Variants in L3MBTL4 observed in about 807,000 individuals in gnomAD.
L3MBTL4 encodes the protein L3MBTL histone methyl-lysine binding protein 4.
A neutral mutation model predicts 84.5 loss-of-function variants in L3MBTL4; 70 were observed. The ratio of observed to expected loss-of-function variants is 0.83; its 90% CI spans 0.68 to 1.01. The LOEUF is 1.01. Ranked by LOEUF, L3MBTL4 falls within the 50% of genes least tolerant of loss-of-function variation. L3MBTL4 has a pLI of 0.00. For missense variants in L3MBTL4, 715 were observed against 754.8 expected (o/e 0.95, Z 0.62); for synonymous variants, 274 against 259.8 (o/e 1.05, Z -0.52).
At chr18:6,334,671 G>A (rs1022234871) in intron 1 of L3MBTL4, among the ~76,000 whole-genome samples, 2 of 152,078 alleles carry the variant, frequency 1.3e-5, no homozygotes, top group Admixed American at 1.3e-4. Flanking sequence ...TAATATAGTG[G>A]AGGAAACACA....
At chr18:6,351,854 A>G (rs1242862801) in intron 1 of L3MBTL4, among the ~76,000 whole-genome samples, 1 of 151,592 alleles carries the variant, frequency 6.6e-6, no homozygotes, top group African/African-American at 2.4e-5. Flanking sequence ...CCCAGCCTAA[A>G]TGTTGATTTT....
intron 17 of L3MBTL4, among the ~76,000 whole-genome samples, chr18:5,961,582 AAAAC>A (rs1047441469): frequency 6.6e-6 from 1 of 152,200 alleles, no homozygotes; most frequent in African/African-American, 2.4e-5. Context: ...GATAAGGATT[AAAAC>A]AAACAAACAA....
intron 16 of L3MBTL4, among the ~76,000 whole-genome samples, chr18:6,003,986 T>C (rs2145301660): frequency 6.6e-6 from 1 of 151,298 alleles, no homozygotes; most frequent in South Asian, 2.1e-4. Flanking sequence ...GAAAAACAAA[T>C]TAAACCCAAA....
intron 1 of L3MBTL4, among the ~76,000 whole-genome samples, chr18:6,318,698 G>A (rs757478414): frequency 9.9e-5 from 15 of 151,644 alleles, no homozygotes; most frequent in South Asian, 4.2e-4. Context: ...CTTCAACACC[G>A]CACTGACAGC....
At chr18:6,160,649 T>C (rs1352381587) in intron 13 of L3MBTL4, among the ~76,000 whole-genome samples, 2 of 149,806 alleles carry the variant, frequency 1.3e-5, no homozygotes, top group Non-Finnish European at 2.9e-5. Flanking sequence ...GAGAATCACT[T>C]GAACTTGGGA....
At chr18:6,144,162 C>G (rs925694418) in intron 13 of L3MBTL4, among the ~76,000 whole-genome samples, 22 of 140,436 alleles carry the variant, frequency 1.6e-4, no homozygotes, top group Admixed American at 2.9e-4. Context: ...CACCACTGCA[C>G]TCCAGCCTGG....
chr18:6,207,756 A>T (rs1439350561), intron 12 of L3MBTL4, among the ~76,000 whole-genome samples: 1 of 152,142 alleles, frequency 6.6e-6, no homozygotes, highest in Non-Finnish European at 1.5e-5. Context: ...CTCAAAGGAC[A>T]TATATTTTTA....
intron 5 of L3MBTL4, among the ~76,000 whole-genome samples, chr18:6,255,015 C>T (rs1258553021): frequency 1.3e-5 from 2 of 152,188 alleles, no homozygotes; most frequent in Admixed American, 6.5e-5. Context: ...AATAACTTCT[C>T]AAATTGTTTG....
At chr18:6,388,566 A>C (rs2054917400) in intron 1 of L3MBTL4, among the ~76,000 whole-genome samples, 1 of 152,198 alleles carries the variant, frequency 6.6e-6, no homozygotes, top group African/African-American at 2.4e-5. Flanking sequence ...GTACGGATAA[A>C]GAGGAAGGAA....
chr18:6,279,625 C>A (rs967007046), intron 4 of L3MBTL4, among the ~76,000 whole-genome samples: 3 of 152,102 alleles, frequency 2.0e-5, no homozygotes, highest in African/African-American at 7.2e-5. Context: ...TGATTTCTCC[C>A]TTGCCATGTA....
At chr18:6,399,307 G>A (rs563400114) in intron 1 of L3MBTL4, among the ~76,000 whole-genome samples, 2 of 152,152 alleles carry the variant, frequency 1.3e-5, no homozygotes, top group African/African-American at 4.8e-5. Flanking sequence ...GTGTGGTGGT[G>A]CATGCCTATA....
intron 15 of L3MBTL4, among the ~76,000 whole-genome samples, chr18:6,091,180 A>T (rs2058444809): frequency 6.6e-6 from 1 of 152,198 alleles, no homozygotes; most frequent in Non-Finnish European, 1.5e-5. Context: ...AATATGTTTT[A>T]TCTGTACATA....
intron 16 of L3MBTL4, among the ~76,000 whole-genome samples, chr18:6,071,961 A>G (rs1261627213): frequency 2.0e-5 from 3 of 152,168 alleles, no homozygotes; most frequent in Non-Finnish European, 2.9e-5. Flanking sequence ...ATATAAGGAC[A>G]ATGATGGAGC....
intron 4 of L3MBTL4, among the ~76,000 whole-genome samples, chr18:6,299,237 A>C (rs1271158061): frequency 6.6e-6 from 1 of 152,204 alleles, no homozygotes; most frequent in East Asian, 1.9e-4. Flanking sequence ...TCTCAGCATG[A>C]CTATGTCAGG....
chr18:6,070,633 A>C (rs1240823866), intron 16 of L3MBTL4, among the ~76,000 whole-genome samples: 1 of 152,066 alleles, frequency 6.6e-6, no homozygotes, highest in African/African-American at 2.4e-5. Flanking sequence ...CCTGAGCAAC[A>C]TAGTGAGATC....
intron 16 of L3MBTL4, among the ~76,000 whole-genome samples, chr18:6,040,144 T>C (rs2056335571): frequency 6.6e-6 from 1 of 152,178 alleles, no homozygotes. Flanking sequence ...AAATATACCC[T>C]GCAAGGTATT....
rs552576796 is a variant in L3MBTL4, at chr18:6,009,010, T to G, written c.1445-39448A>C. ...CAGCTATAAATACCAGTGATTCTTG[T>G]TCGGCACAAGTGGCTCAGAGGTGTG... On this transcript the variant is annotated intron_variant, in intron 16 of 18. Transcript: ENST00000317931. Among the ~76,000 whole-genome samples, 6 of 152,332 alleles carry G rather than the reference T, an allele frequency of 3.9e-5. No homozygotes were observed. In the East Asian group the frequency reaches 1.2e-3, roughly 29 times the overall value.
intron 12 of L3MBTL4, among the ~76,000 whole-genome samples, chr18:6,197,672 C>T (rs555392020): frequency 6.6e-6 from 1 of 152,286 alleles, no homozygotes; most frequent in South Asian, 2.1e-4. Flanking sequence ...GTTCTAGGTA[C>T]AGCTTGCCTT....
At position 6,092,009 on chromosome 18, in the gene L3MBTL4, T is replaced by C. The variant is rs144113764; in HGVS notation, c.1373+1346A>G. Among the ~76,000 whole-genome samples the C allele has an allele frequency of 8.1e-3, 1,240 of 152,208 alleles. 11 individuals are homozygous for C. Among genetic ancestry groups the C allele is most frequent in the Middle Eastern group, 0.017 (5 of 294 alleles). ...CGTAAAGTTGTAAACAGTGTGGGTG[T>C]GAAACAGCAGTAAAGAACAACGAGA... is the stretch of plus-strand genomic sequence containing the variant. On this transcript the variant is annotated intron_variant, in intron 15 of 18. Transcript: ENST00000317931.
Sources: allele counts gnomAD v4.1 joint callset (sites outside exome capture counted in the v4.1 genomes callset), GRCh38; gene constraint gnomAD v4.1.1; transcripts MANE v1.5; gene names NCBI Gene and HGNC (gene_info 2026-07-23, HGNC 2026-07-21).